CALD1: variants seen among roughly 807,000 people sequenced by gnomAD.
CALD1 encodes the protein caldesmon.
CALD1 carries 33 observed loss-of-function variants against 99.9 expected under a neutral mutation model. The ratio of observed to expected loss-of-function variants is 0.33; its 90% confidence interval spans 0.25 to 0.44. CALD1 has a LOEUF of 0.44. Ranked by LOEUF, CALD1 falls within the 20% of genes least tolerant of loss-of-function variation. The pLI is 1.00. For missense variants in CALD1, 861 were observed against 962.1 expected, an observed-to-expected ratio of 0.89 and a Z score of 1.39; for synonymous variants, 310 against 325.0, an observed-to-expected ratio of 0.95 and a Z score of 0.50.
chr7:134,865,405 T>C (rs3729630), intron 2 of CALD1, among the ~76,000 whole-genome samples: 69,919 of 151,236 alleles, frequency 0.46, 16,910 homozygotes, highest in East Asian at 0.76. Flanking sequence ...TGTGGTTTTG[T>C]GCTTTCCTCT....
chr7:134,711,718 GTGTGTGTGTCTC>G, the CALD1 span, among the ~76,000 whole-genome samples: 350 of 100,284 alleles, frequency 3.5e-3, 3 homozygotes, highest in African/African-American at 0.01. Context: ...GTGTGTGTGT[GTGTGTGTGTCTC>G]TCTCTCTGTC....
chr7:134,829,159 G>C (rs1799122735), intron 1 of CALD1, among the ~76,000 whole-genome samples: 1 of 152,186 alleles, frequency 6.6e-6, no homozygotes, highest in Non-Finnish European at 1.5e-5. Context: ...GGAGATTTCA[G>C]TCTAGTAGAA....
At chr7:134,775,085 C>G (rs1488974961), upstream of CALD1, among the ~76,000 whole-genome samples, 2 of 151,616 alleles carry the variant, frequency 1.3e-5, no homozygotes, top group Non-Finnish European at 2.9e-5. Context: ...TTTATATAAC[C>G]TAGTTTATTA....
chr7:134,739,252 A>C (rs1263230870), upstream of CALD1, among the ~76,000 whole-genome samples: 2 of 152,248 alleles, frequency 1.3e-5, no homozygotes, highest in African/African-American at 4.8e-5. Flanking sequence ...TTAGCAACGG[A>C]CAAAATGGAC....
intron 1 of CALD1, among the ~76,000 whole-genome samples, chr7:134,819,911 AC>A (rs1472285480): frequency 6.7e-6 from 1 of 150,320 alleles, no homozygotes; most frequent in Non-Finnish European, 1.5e-5. Context: ...AACAAACAAA[AC>A]CCTGGTTTTA....
intron 1 of CALD1, among the ~76,000 whole-genome samples, chr7:134,752,441 A>T (rs1456007535): frequency 2.0e-5 from 3 of 152,196 alleles, no homozygotes; most frequent in Non-Finnish European, 4.4e-5. Context: ...CACTACCCTA[A>T]ACCATCTAAA....
intron 3 of CALD1, among the ~76,000 whole-genome samples, chr7:134,905,848 GTTA>G (rs1803332222): frequency 6.8e-6 from 1 of 147,334 alleles, no homozygotes; most frequent in Non-Finnish European, 1.5e-5. Context: ...TAACTCCATT[GTTA>G]TTAATCTCAC....
chr7:134,752,382 A>C (rs529510803), intron 1 of CALD1, among the ~76,000 whole-genome samples: 2 of 152,374 alleles, frequency 1.3e-5, no homozygotes, highest in South Asian at 4.1e-4. Flanking sequence ...TCAGATTCTC[A>C]AAGGAATAAG....
chr7:134,748,713 C>CT (rs1466676783), intron 1 of CALD1, among the ~76,000 whole-genome samples: 2 of 80,450 alleles, frequency 2.5e-5, no homozygotes, highest in African/African-American at 4.7e-5. Flanking sequence ...CTCCATCCCC[C>CT]CGCCCCCCAA....
At chr7:134,731,571 T>A in the CALD1 span, among the ~76,000 whole-genome samples, 1 of 152,196 alleles carries the variant, frequency 6.6e-6, no homozygotes, top group East Asian at 1.9e-4. Flanking sequence ...CCTAACCATG[T>A]CCCGCTATGA....
In CALD1 at chr7:134,947,777, G is replaced by A. The variant is rs1306454753; in HGVS notation, c.1794+8G>A. The A allele has an allele frequency of 1.2e-6, 2 of 1,612,176 alleles. No homozygotes were observed. Among genetic ancestry groups the A allele is most frequent in the Non-Finnish European group, 8.5e-7 (1 of 1,178,994 alleles). On this transcript the variant is annotated splice_region_variant and intron_variant, in intron 8 of 14. Coordinates refer to ENST00000361675, the MANE Select transcript of CALD1 (RefSeq NM_033138.4). Reference sequence around the variant, plus strand: ...CGAAAACTCAGAGAGGAGGTAAGGCGGGCGCTAGCCCACTGAGAACGTTGC... The same window carrying A: ...CGAAAACTCAGAGAGGAGGTAAGGCAGGCGCTAGCCCACTGAGAACGTTGC...
chr7:134,938,083 C>A (rs554180044), intron 6 of CALD1, among the ~76,000 whole-genome samples: 1 of 152,260 alleles, frequency 6.6e-6, no homozygotes, highest in Non-Finnish European at 1.5e-5. Flanking sequence ...TTATTAAATG[C>A]AGAATCTGAT....
chr7:134,965,620 T>C lies in CALD1; in HGVS notation c.2376+234T>C, dbSNP rs192714442. Among the ~76,000 whole-genome samples, 188 of 152,280 alleles carry C rather than the reference T, an allele frequency of 1.2e-3. 2 individuals carry two copies. The highest frequency in any genetic ancestry group is 6.7e-3 in the Admixed American group (103 of 15,296). On this transcript the variant is annotated intron_variant, in intron 14 of 14. Transcript: ENST00000361675. ...TGGAATGGTTCTCAGTAGGACATTC[T>C]CAATACACCACAGTGGTAGGAACAT... is the stretch of plus-strand genomic sequence containing the variant.
At chr7:134,887,784 A>G (rs1586206430) in intron 3 of CALD1, among the ~76,000 whole-genome samples, 1 of 142,684 alleles carries the variant, frequency 7.0e-6, no homozygotes, top group Non-Finnish European at 1.5e-5. Context: ...ATGTGTGTGC[A>G]TGTGTATGTG....
chr7:134,793,325 G>T (rs573472746), intron 1 of CALD1, among the ~76,000 whole-genome samples: 1 of 152,128 alleles, frequency 6.6e-6, no homozygotes, highest in African/African-American at 2.4e-5. Flanking sequence ...ACATATTTGC[G>T]CTCTGAATCA....
At chr7:134,740,182 A>T (rs1322725542), upstream of CALD1, among the ~76,000 whole-genome samples, 3 of 152,176 alleles carry the variant, frequency 2.0e-5, no homozygotes. Context: ...GGGCTCTGCA[A>T]TTGAACTGTT....
At chr7:134,839,572 T>C (rs950159879) in intron 1 of CALD1, among the ~76,000 whole-genome samples, 1 of 152,234 alleles carries the variant, frequency 6.6e-6, no homozygotes, top group African/African-American at 2.4e-5. Context: ...TTGATTTATG[T>C]CTTTTAAATT....
intron 1 of CALD1, among the ~76,000 whole-genome samples, chr7:134,760,909 C>T (rs1259958328): frequency 1.3e-5 from 2 of 151,844 alleles, no homozygotes; most frequent in Non-Finnish European, 2.9e-5. Flanking sequence ...ATGTAGGTAC[C>T]CTGTCTTTTC....
At chr7:134,774,109 G>A (rs1016570396) in intron 1 of CALD1, among the ~76,000 whole-genome samples, 1 of 148,330 alleles carries the variant, frequency 6.7e-6, no homozygotes, top group African/African-American at 2.6e-5. Context: ...GACAGAGGTT[G>A]CAGTGAGCTG....
Sources: allele counts gnomAD v4.1 joint callset (sites outside exome capture counted in the v4.1 genomes callset), GRCh38; gene constraint gnomAD v4.1.1; transcripts MANE v1.5; gene names NCBI Gene and HGNC (gene_info 2026-07-23, HGNC 2026-07-21).